The following PEX2 variants were observed in gnomAD, a reference collection of about 807,000 sequenced individuals.
PEX2 encodes the protein peroxisome biogenesis factor 2.
Under a neutral mutation model 25.2 loss-of-function variants are expected in PEX2, and 19 were observed. The observed-to-expected ratio is 0.75, with a 90% CI of 0.53 to 1.10. The LOEUF (loss-of-function observed/expected upper bound fraction) is 1.10. PEX2 is among the 50% of genes least tolerant of loss of function. PEX2 has a pLI of 0.00. For synonymous variants in PEX2, 141 were observed against 127.7 expected (o/e 1.10, Z -0.70); for missense variants, 347 against 350.6 (o/e 0.99, Z 0.08).
rs753445503 is a variant in PEX2, at chr8:76,982,810, G to GAA, written c.*449_*450dup. The stretch of plus-strand genomic sequence containing the variant: ...GGTGACAGAGCAGGACACCGTCTCA[G>GAA]AAAAAAAAAAAAAAGTTACAACTGA... On this transcript the variant is annotated 3_prime_UTR_variant, in exon 4 of 4. Transcript: ENST00000357039. 3.7e-4 allele frequency: 56 copies of GAA among 151,358 alleles called. No individual in the cohort carries two copies. The highest frequency in any genetic ancestry group is 3.6e-3 in the Middle Eastern group (1 of 276). The allele number at this position is 151,358 out of a possible 1,614,324, so 9.4% of individuals were successfully genotyped here. A position where few individuals can be genotyped will look rare whatever the true frequency, so the allele number is the denominator to read the frequency against.
chr8:76,983,958 G>A lies in PEX2; in HGVS notation c.221C>T (p.Ala74Val), dbSNP rs1305420150. The change falls in exon 4 of 4, where the codon GCC becomes GTC. Residue 74 changes from alanine to valine, a missense_variant. Coordinates refer to ENST00000357039, the MANE Select transcript of PEX2 (RefSeq NM_000318.3). ...LWRFTIYSKNATVGQSVLNIK... is the reference protein window; with the variant it reads ...LWRFTIYSKNVTVGQSVLNIK... ...ATTCAAAACTGACTGTCCCACTGTG[G>A]CATTTTTGGAGTAGATGGTGAATCT... The A allele has an allele frequency of 1.2e-6, 2 of 1,613,958 alleles. No homozygotes were observed. Among genetic ancestry groups the A allele is most frequent in the Non-Finnish European group, 1.7e-6 (2 of 1,179,998 alleles).
At position 76,990,148 on chromosome 8, in the gene PEX2, C is replaced by A. The variant is rs544071660; in HGVS notation, c.-159-1810G>T. The stretch of plus-strand genomic sequence containing the variant: ...TAAATGGTTATTTCCTTAAATCTCA[C>A]GAACCAACCTCTGCTAGCTTCCACC... On this transcript the variant is annotated intron_variant, in intron 1 of 3. Coordinates refer to ENST00000357039, the MANE Select transcript of PEX2 (RefSeq NM_000318.3). 2.6e-5 allele frequency among the ~76,000 whole-genome samples: 4 copies of A among 152,154 alleles called. No homozygotes were observed. In the East Asian group the frequency reaches 7.7e-4, roughly 29 times the overall value.
intron 1 of PEX2, among the ~76,000 whole-genome samples, chr8:76,997,414 CAA>C (rs985989770): frequency 6.6e-6 from 1 of 152,086 alleles, no homozygotes; most frequent in African/African-American, 2.4e-5. Flanking sequence ...ACTAAAAATA[CAA>C]AAATTAGCCA....
chr8:76,989,782 C>T (rs1001283535), intron 1 of PEX2, among the ~76,000 whole-genome samples: 2 of 152,000 alleles, frequency 1.3e-5, no homozygotes, highest in Non-Finnish European at 2.9e-5. Context: ...TTGTTTTTTT[C>T]ATTTATAAAG....
chr8:76,988,119 A>T (rs899352080), intron 2 of PEX2, 188 bp downstream of exon 2: 2 of 147,198 alleles, frequency 1.4e-5, no homozygotes, highest in Admixed American at 1.3e-4. Context: ...GTAACAACGT[A>T]ATCTTATTCT....
In PEX2 at chr8:76,983,177, T is replaced by C. The variant is rs1264776708; in HGVS notation, c.*84A>G. 9 of 1,597,648 alleles carry C rather than the reference T, an allele frequency of 5.6e-6. No homozygotes were observed. The highest frequency in any genetic ancestry group is 7.6e-6 in the Non-Finnish European group (9 of 1,179,036). Reference sequence around the variant, plus strand: ...CTAGGAGCACATTCCTTATAAAGGATACATAAATGGTATACTTAGGATGAC... The same window carrying C: ...CTAGGAGCACATTCCTTATAAAGGACACATAAATGGTATACTTAGGATGAC... On this transcript the variant is annotated 3_prime_UTR_variant, in exon 4 of 4. Transcript: ENST00000357039.
In PEX2 at chr8:76,983,600, C is replaced by T. The variant is rs1395525519; in HGVS notation, c.579G>A (p.Arg193=). ...CAGCAAAACCATGCCAGAGAAGTTC[C>T]CTATTCATGTATTCAAAGCCAACTT... is the stretch of plus-strand genomic sequence containing the variant. ...ICEVGFEYMN[R]ELLWHGFAEF... The change falls in exon 4 of 4, where the codon AGG becomes AGA. Residue 193 remains arginine, a synonymous_variant. Transcript: ENST00000357039. 1.2e-6 allele frequency: 2 copies of T among 1,613,948 alleles called. No individual in the cohort carries two copies. The highest frequency in any genetic ancestry group is 1.3e-5 in the African/African-American group (1 of 74,914).
chr8:76,991,832 A>G (rs564631780), intron 1 of PEX2, among the ~76,000 whole-genome samples: 1 of 152,334 alleles, frequency 6.6e-6, no homozygotes, highest in South Asian at 2.1e-4. Context: ...AGATTAAACC[A>G]GATAATGTTA....
At chr8:76,988,002 ACTAATC>A (rs1416953095) in intron 2 of PEX2, 1 of 152,208 alleles carries the variant, frequency 6.6e-6, no homozygotes, top group Non-Finnish European at 1.5e-5. Flanking sequence ...CTCTGGTAAA[ACTAATC>A]TATTTTAAAT....
intron 1 of PEX2, among the ~76,000 whole-genome samples, chr8:76,994,677 C>G (rs545321955): frequency 6.6e-6 from 1 of 152,138 alleles, no homozygotes; most frequent in East Asian, 1.9e-4. Flanking sequence ...TGTGTCATAC[C>G]CACTCATGCA....
chr8:76,994,982 T>C (rs1807279742), intron 1 of PEX2, among the ~76,000 whole-genome samples: 1 of 152,190 alleles, frequency 6.6e-6, no homozygotes. Context: ...AAATGGGACG[T>C]GCATCAAAGA....
At chr8:76,997,641 TAAG>T (rs993234061) in intron 1 of PEX2, among the ~76,000 whole-genome samples, 5 of 152,198 alleles carry the variant, frequency 3.3e-5, no homozygotes, top group African/African-American at 1.2e-4. Context: ...GTTTTACTAG[TAAG>T]AAGAAAGAAA....
chr8:76,988,515 A>C (rs555064178), intron 1 of PEX2, among the ~76,000 whole-genome samples, 177 bp from the exon 2 acceptor site: 1 of 152,346 alleles, frequency 6.6e-6, no homozygotes, highest in East Asian at 1.9e-4. Flanking sequence ...AAATGCTAAC[A>C]ACCATCTGAG....
At chr8:76,986,766 T>C (rs1807014731) in intron 2 of PEX2, among the ~76,000 whole-genome samples, 2 of 152,188 alleles carry the variant, frequency 1.3e-5, no homozygotes. Flanking sequence ...CCCATCTAGT[T>C]GTTCCCTTGG....
rs1806921038 is a variant in PEX2, at chr8:76,983,881, T to C, written c.298A>G (p.Lys100Glu). ...SPNLRYQPPS[K>E]NQKIWYAVCT... ...ACAGCATACCAGATTTTTTGATTTT[T>C]ACTGGGTGGCTGATATCTCAGGTTA... Residue 100 changes from lysine to glutamate, a missense_variant, in exon 4 of 4, where the codon AAA (lysine) becomes GAA (glutamate). By Grantham distance (56) the Lys-to-Glu change is moderately conservative. Transcript: ENST00000357039. 6.2e-7 allele frequency: 1 copy of C among 1,614,086 alleles called. No individual in the cohort carries two copies. Among genetic ancestry groups the C allele is most frequent in the South Asian group, 1.1e-5 (1 of 91,082 alleles).
upstream of PEX2, among the ~76,000 whole-genome samples, chr8:77,000,700 C>T (rs938262872): frequency 6.6e-6 from 1 of 152,202 alleles, no homozygotes; most frequent in Non-Finnish European, 1.5e-5. Flanking sequence ...AGTCATCCGC[C>T]CTGCAAAGCG....
At chr8:76,984,605 G>A (rs922255919) in intron 3 of PEX2, among the ~76,000 whole-genome samples, 1 of 152,108 alleles carries the variant, frequency 6.6e-6, no homozygotes, top group Non-Finnish European at 1.5e-5. Context: ...ATACAGGAAG[G>A]TAATAAATAC....
In PEX2 at chr8:76,983,349, T is replaced by C. The variant is rs1245191952; in HGVS notation, c.830A>G (p.Tyr277Cys). ...TGTGCCACACTTAGGACAAGTAAAG[T>C]ACACGTCAAATAAGAAACTACTCTT... ...CAKSSFLFDV[Y>C]FTCPKCGTEV... Residue 277 changes from tyrosine (Y) to cysteine (C), a missense_variant, in exon 4 of 4, where the codon TAC becomes TGC. Transcript: ENST00000357039. 4 of 1,614,080 alleles carry C rather than the reference T, an allele frequency of 2.5e-6. No homozygotes were observed. The highest frequency in any genetic ancestry group is 3.3e-5 in the Admixed American group (2 of 60,028).
chr8:76,983,936 C>A lies in PEX2; in HGVS notation c.243G>T (p.Leu81Phe). Residue 81 changes from leucine (L) to phenylalanine (F), a missense_variant, in exon 4 of 4, where the codon TTG becomes TTT. Transcript: ENST00000357039. ...SKNATVGQSVLNIKYKNDFSP... is the reference protein window; with the variant it reads ...SKNATVGQSVFNIKYKNDFSP... ...AAAAATCATTTTTGTACTTAATATTCAAAACTGACTGTCCCACTGTGGCAT... is the reference window on the plus strand; with the variant it reads ...AAAAATCATTTTTGTACTTAATATTAAAAACTGACTGTCCCACTGTGGCAT... 6.2e-7 allele frequency: 1 copy of A among 1,614,100 alleles called. No individual in the cohort carries two copies. The highest frequency in any genetic ancestry group is 1.1e-5 in the South Asian group (1 of 91,076).
Sources: gnomAD v4.1 joint callset for allele counts (sites outside exome capture counted in the v4.1 genomes callset) on GRCh38, gnomAD v4.1.1 for gene constraint, MANE v1.5 for transcripts, NCBI Gene and HGNC (gene_info 2026-07-23, HGNC 2026-07-21) for gene names.